Variants in STK39 observed in about 807,000 individuals in gnomAD.
STK39 encodes STE20/SPS1-related proline-alanine-rich protein kinase.
In STK39, 20 loss-of-function variants were observed where a neutral mutation model predicts 77.8. The ratio of observed to expected loss-of-function variants is 0.26; its 90% CI spans 0.18 to 0.37. The LOEUF (loss-of-function observed/expected upper bound fraction) is 0.37. Among genes scored for constraint, STK39 ranks in the 10% least tolerant of loss-of-function variants. The pLI is 1.00. For missense variants in STK39, 479 were observed against 656.5 expected, an observed-to-expected ratio of 0.73 and a Z score of 2.95; for synonymous variants, 246 against 234.1, an observed-to-expected ratio of 1.05 and a Z score of -0.47.
At chr2:168,153,600 A>G (rs779692440) in intron 5 of STK39, among the ~76,000 whole-genome samples, 2 of 150,238 alleles carry the variant, frequency 1.3e-5, no homozygotes, top group Non-Finnish European at 3.0e-5. Context: ...TGTGTACAAT[A>G]AAGAAAACAG....
chr2:168,229,786 G>A (rs529527090), intron 1 of STK39, among the ~76,000 whole-genome samples: 58 of 152,244 alleles, frequency 3.8e-4, no homozygotes, highest in Admixed American at 5.9e-4. Context: ...TGAGTTTTAA[G>A]AAAGTCAGTC....
At chr2:168,087,982 G>C (rs1182350418) in intron 10 of STK39, among the ~76,000 whole-genome samples, 1 of 152,064 alleles carries the variant, frequency 6.6e-6, no homozygotes. Flanking sequence ...ATTTATGTTA[G>C]GTCTAAGAAA....
chr2:168,224,022 C>T (rs1463583398), intron 1 of STK39, among the ~76,000 whole-genome samples: 2 of 152,140 alleles, frequency 1.3e-5, no homozygotes, highest in East Asian at 1.9e-4. Context: ...TATTACTTTA[C>T]ACACATAAAC....
Position 168,129,733 on chromosome 2 carries a change from A to G in STK39, c.1000T>C (p.Cys334Arg), listed in dbSNP as rs911069836. 6 of 1,613,912 alleles carry G rather than the reference A, an allele frequency of 3.7e-6. No individual in the cohort carries two copies. Among genetic ancestry groups the G allele is most frequent in the Non-Finnish European group, 5.1e-6 (6 of 1,179,956 alleles). ...KRPTAAELLK[C>R]KFFQKAKNRE... is the part of the protein sequence containing the mutation. ...ACCTTGGCTTTCTGGAAGAATTTGCATTTTAAAAGTTCTGCTGCTGTGGGC... is the reference window on the plus strand; with the variant it reads ...ACCTTGGCTTTCTGGAAGAATTTGCGTTTTAAAAGTTCTGCTGCTGTGGGC... Residue 334 changes from cysteine (C) to arginine (R), a missense_variant, in exon 9 of 18, where the codon TGC (cysteine) becomes CGC (arginine). By Grantham distance (180) the Cys-to-Arg change is radical (BLOSUM62 -3). Coordinates refer to ENST00000355999, the MANE Select transcript of STK39 (RefSeq NM_013233.3).
chr2:168,145,023 G>A (rs1688099925), intron 5 of STK39, among the ~76,000 whole-genome samples: 1 of 151,842 alleles, frequency 6.6e-6, no homozygotes, highest in Non-Finnish European at 1.5e-5. Flanking sequence ...AGGATAAGAT[G>A]TATAAAATCA....
chr2:168,019,518 A>T (rs888895381), intron 14 of STK39, among the ~76,000 whole-genome samples: 4 of 152,114 alleles, frequency 2.6e-5, no homozygotes, highest in Non-Finnish European at 2.9e-5. Context: ...ATATGGAGGG[A>T]TTACCGCACA....
intron 1 of STK39, among the ~76,000 whole-genome samples, chr2:168,206,414 C>T (rs1689745530): frequency 6.6e-6 from 1 of 151,938 alleles, no homozygotes; most frequent in Admixed American, 6.6e-5. Context: ...GATTCTCCTG[C>T]CTCAGCCTCC....
chr2:168,239,738 T>C (rs187225603), intron 1 of STK39, among the ~76,000 whole-genome samples: 6 of 152,252 alleles, frequency 3.9e-5, no homozygotes, highest in Admixed American at 2.6e-4. Context: ...GGTAGGGAGA[T>C]GAGAGACCCT....
chr2:167,979,659 T>G (rs7594207), intron 16 of STK39, among the ~76,000 whole-genome samples: 49,896 of 152,042 alleles, frequency 0.33, 9,054 homozygotes, highest in Non-Finnish European at 0.41. Context: ...AGTAGATGAA[T>G]AAAACATACA....
intron 10 of STK39, among the ~76,000 whole-genome samples, chr2:168,076,418 T>G (rs1184437527): frequency 6.6e-6 from 1 of 152,222 alleles, no homozygotes; most frequent in Non-Finnish European, 1.5e-5. Context: ...TAGACACTAT[T>G]TAGTTGCATC....
intron 15 of STK39, among the ~76,000 whole-genome samples, chr2:168,016,387 CAAAAAAAAAAAA>C (rs869084308): frequency 6.1e-5 from 4 of 65,686 alleles, no homozygotes; most frequent in East Asian, 1.3e-3. Context: ...GGCCTTTGTT[CAAAAAAAAAAAA>C]AAAAAAAAAA....
In STK39 at chr2:168,038,557, T is replaced by C. The variant is rs983842182; in HGVS notation, c.1377-21462A>G. On this transcript the variant is annotated intron_variant, in intron 14 of 17. Transcript: ENST00000355999. The stretch of plus-strand genomic sequence containing the variant: ...ATAGTATACAAGAAAATACAAATCA[T>C]AAAAAGATACTTTAAATTTTTTATC... Among the ~76,000 whole-genome samples the C allele has an allele frequency of 1.6e-4, 25 of 152,034 alleles. 1 individual carries two copies. The highest frequency in any genetic ancestry group is 5.8e-4 in the African/African-American group (24 of 41,536).
At chr2:168,035,117 C>T (rs1320842501) in intron 14 of STK39, among the ~76,000 whole-genome samples, 1 of 152,106 alleles carries the variant, frequency 6.6e-6, no homozygotes, top group Non-Finnish European at 1.5e-5. Context: ...CCTCCTGTAT[C>T]CAGAAGGGTT....
At chr2:168,190,147 A>C (rs1360444774) in intron 1 of STK39, among the ~76,000 whole-genome samples, 3 of 152,084 alleles carry the variant, frequency 2.0e-5, no homozygotes, top group Non-Finnish European at 4.4e-5. Flanking sequence ...CAGCCCTTCC[A>C]CCTAGACCAC....
intron 5 of STK39, among the ~76,000 whole-genome samples, chr2:168,141,177 C>A (rs139211258): frequency 1.3e-5 from 2 of 152,232 alleles, no homozygotes; most frequent in South Asian, 2.1e-4. Context: ...TTTTTCTTAA[C>A]TTTAACTCAT....
At chr2:167,965,445 T>C (rs1247441120) in intron 16 of STK39, among the ~76,000 whole-genome samples, 6 of 152,250 alleles carry the variant, frequency 3.9e-5, no homozygotes, top group Non-Finnish European at 8.8e-5. Context: ...TCTGTCCTTG[T>C]TCTTCACGGT....
intron 5 of STK39, among the ~76,000 whole-genome samples, chr2:168,146,663 G>A (rs969110693): frequency 3.3e-5 from 5 of 152,184 alleles, no homozygotes; most frequent in Admixed American, 1.3e-4. Flanking sequence ...ACCAGGTAAG[G>A]GAATTTGTAC....
chr2:168,085,175 T>A (rs1686333281), intron 10 of STK39, among the ~76,000 whole-genome samples: 2 of 152,192 alleles, frequency 1.3e-5, no homozygotes, highest in South Asian at 2.1e-4. Context: ...GATCCTAAAC[T>A]TTTGCTGGCA....
intron 1 of STK39, among the ~76,000 whole-genome samples, chr2:168,201,445 A>C (rs377065862): frequency 6.6e-6 from 1 of 152,206 alleles, no homozygotes; most frequent in East Asian, 1.9e-4. Flanking sequence ...AGGAAATTAC[A>C]AACATTCATT....
Sources: gnomAD v4.1 joint callset for allele counts (sites outside exome capture counted in the v4.1 genomes callset) on GRCh38, gnomAD v4.1.1 for gene constraint, MANE v1.5 for transcripts, NCBI Gene and HGNC (gene_info 2026-07-23, HGNC 2026-07-21) for gene names.